The following VIT variants were observed in gnomAD, a reference collection of about 807,000 sequenced individuals.
VIT encodes the protein vitrin.
In VIT, 99 loss-of-function variants were observed where a neutral mutation model predicts 78.0. The ratio of observed to expected loss-of-function variants is 1.27; its 90% CI spans 1.08 to 1.50. The LOEUF (loss-of-function observed/expected upper bound fraction) is 1.50. Among genes scored for constraint, VIT ranks in the 40% most tolerant of loss-of-function variants. The probability of loss-of-function intolerance (pLI) is 0.00; values close to 1 mark genes in which losing one functional copy is unlikely to be tolerated. For synonymous variants in VIT, 374 were observed against 334.3 expected (o/e 1.12, Z -1.29); for missense variants, 1,126 against 875.3 (o/e 1.29, Z -3.61).
At chr2:36,805,308 G>A (rs1190021189) in intron 13 of VIT, 130 bp from the exon 14 acceptor site, 230 of 585,550 alleles carry the variant, frequency 3.9e-4, no homozygotes, top group African/African-American at 1.1e-3. Context: ...TGTCTCAAAG[G>A]AAAAAAAAAA....
intron 9 of VIT, among the ~76,000 whole-genome samples, chr2:36,778,104 G>T (rs1054866884): frequency 6.6e-6 from 1 of 152,156 alleles, no homozygotes; most frequent in Admixed American, 6.5e-5. Flanking sequence ...ATATGAAGGG[G>T]ATCTGTTATT....
intron 11 of VIT, among the ~76,000 whole-genome samples, chr2:36,786,590 G>T (rs1558571446): frequency 6.6e-6 from 1 of 152,212 alleles, no homozygotes; most frequent in African/African-American, 2.4e-5. Flanking sequence ...ATACATATAT[G>T]TAGATAATTT....
Position 36,768,447 on chromosome 2 carries a change from A to G in VIT, c.679+1162A>G, listed in dbSNP as rs565247579. On this transcript the variant is annotated intron_variant, in intron 7 of 15. Transcript: ENST00000379242. ...ACTCCGTTTCAATAAATAAATAAAT[A>G]AAAATGCAAATCAGCACTTTGAATA... Among the ~76,000 whole-genome samples the G allele has an allele frequency of 3.3e-5, 5 of 152,332 alleles. No individual in the cohort carries two copies. In the South Asian group the frequency reaches 1.0e-3, roughly 32 times the overall value.
At chr2:36,787,328 A>G in intron 12 of VIT, 52 bp downstream of exon 12, 1 of 1,575,506 alleles carries the variant, frequency 6.3e-7, no homozygotes, top group East Asian at 2.3e-5. Context: ...CCATGTGCTT[A>G]ATTTTATGCC....
In VIT at chr2:36,781,643, C is replaced by G. The variant is rs950517296; in HGVS notation, c.803-84C>G. 18 of 1,507,546 alleles carry G rather than the reference C, an allele frequency of 1.2e-5. No homozygotes were observed. In the African/African-American group the frequency reaches 2.1e-4, roughly 17 times the overall value. The allele number at this position is 1,507,546 out of a possible 1,614,324, so 93.4% of individuals were successfully genotyped here. A position where few individuals can be genotyped will look rare whatever the true frequency, so the allele number is the denominator to read the frequency against. On this transcript the variant is annotated intron_variant, in intron 9 of 15. Transcript: ENST00000379242. Reference sequence around the variant, plus strand: ...GAACTTTCAGACACAATTGGGAAACCTTATCATCCCGGCAATTCACTCAAG... The same window carrying G: ...GAACTTTCAGACACAATTGGGAAACGTTATCATCCCGGCAATTCACTCAAG...
intron 10 of VIT, 62 bp from the exon 11 acceptor site, chr2:36,783,278 T>A (rs376403603): frequency 6.2e-5 from 98 of 1,572,334 alleles, no homozygotes; most frequent in Non-Finnish European, 2.9e-5. Flanking sequence ...TCCCCTCCCA[T>A]GGGGTAAGGC....
intron 4 of VIT, among the ~76,000 whole-genome samples, chr2:36,750,783 T>C (rs1217286857): frequency 6.6e-6 from 1 of 151,174 alleles, no homozygotes; most frequent in Non-Finnish European, 1.5e-5. Flanking sequence ...ATCATACTAT[T>C]GCACTCCAGC....
At chr2:36,731,464 G>T (rs1422596440) in intron 3 of VIT, among the ~76,000 whole-genome samples, 1 of 151,786 alleles carries the variant, frequency 6.6e-6, no homozygotes, top group African/African-American at 2.4e-5. Flanking sequence ...TAGTAGAAAC[G>T]GGGTTTCACC....
At chr2:36,748,208 C>T (rs1200764881) in intron 4 of VIT, among the ~76,000 whole-genome samples, 1 of 152,150 alleles carries the variant, frequency 6.6e-6, no homozygotes, top group African/African-American at 2.4e-5. Flanking sequence ...TCAGAATGGT[C>T]ATCTTGCATA....
chr2:36,777,399 G>A (rs1670140168), intron 9 of VIT, among the ~76,000 whole-genome samples: 2 of 151,816 alleles, frequency 1.3e-5, no homozygotes, highest in South Asian at 4.2e-4. Context: ...CCTCCAATAG[G>A]TCTTTGCTGG....
intron 11 of VIT, 67 bp downstream of exon 11, chr2:36,783,469 C>A: frequency 6.9e-7 from 1 of 1,456,920 alleles, no homozygotes; most frequent in Non-Finnish European, 9.5e-7. Context: ...CCTCTCTTCC[C>A]ACTCACTCCC....
chr2:36,703,909 GTTTTTTTTTGTTTGT>G (rs557932990), intron 1 of VIT, among the ~76,000 whole-genome samples: 1 of 116,492 alleles, frequency 8.6e-6, no homozygotes, highest in Non-Finnish European at 1.9e-5. Context: ...TTTGTTTGGG[GTTTTTTTTTGTTTGT>G]TTTTTGTTTT....
chr2:36,782,194 A>G lies in VIT; in HGVS notation c.847+423A>G, dbSNP rs1016043600. On this transcript the variant is annotated intron_variant, in intron 10 of 15. Coordinates refer to ENST00000379242, the MANE Select transcript of VIT (RefSeq NM_053276.4). ...TTAAATATTTGAAACTCCAACACAC[A>G]AGACCTTCCAGCTCTTCATGGGAGG... Among the ~76,000 whole-genome samples, 8 of 152,288 alleles carry G rather than the reference A, an allele frequency of 5.3e-5. No individual in the cohort carries two copies. The East Asian group carries it at 9.7e-4, about 18-fold the overall frequency.
At chr2:36,807,645 G>A (rs1666827129) in intron 14 of VIT, among the ~76,000 whole-genome samples, 1 of 152,194 alleles carries the variant, frequency 6.6e-6, no homozygotes. Flanking sequence ...CAGAGGCAGG[G>A]GTAAGGAAGA....
chr2:36,741,798 C>A (rs915666628), intron 3 of VIT, among the ~76,000 whole-genome samples: 3 of 152,140 alleles, frequency 2.0e-5, no homozygotes, highest in Non-Finnish European at 4.4e-5. Context: ...ACCAACACCC[C>A]ACTCACTGCT....
rs553497737 is a variant in VIT, at chr2:36,745,993, C to T, written c.275+2737C>T. On this transcript the variant is annotated intron_variant, in intron 4 of 15. Transcript: ENST00000379242. Reference sequence around the variant, plus strand: ...AGGTTATGTTCCTATAATATCTAGTCAGTTGAGAGTTTTTATCATGAAAGG... The same window carrying T: ...AGGTTATGTTCCTATAATATCTAGTTAGTTGAGAGTTTTTATCATGAAAGG... 5.1e-4 allele frequency among the ~76,000 whole-genome samples: 78 copies of T among 152,006 alleles called. 1 individual carries two copies. The highest frequency in any genetic ancestry group is 1.5e-3 in the African/African-American group (61 of 41,508).
chr2:36,757,942 C>T lies in VIT; in HGVS notation c.410-1027C>T, dbSNP rs1383204851. 1.3e-5 allele frequency among the ~76,000 whole-genome samples: 2 copies of T among 152,144 alleles called. 1 individual carries two copies. Among genetic ancestry groups the T allele is most frequent in the Admixed American group, 1.3e-4 (2 of 15,268 alleles). ...TCTTACCTAGACCCTGCTATTCTTT[C>T]TGCTTCATGACCCTACGATTCCTGT... is the stretch of plus-strand genomic sequence containing the variant. On this transcript the variant is annotated intron_variant, in intron 5 of 15. Coordinates refer to ENST00000379242, the MANE Select transcript of VIT (RefSeq NM_053276.4).
chr2:36,727,636 A>ACAAACTAGACATCT (rs1666934787), intron 2 of VIT, among the ~76,000 whole-genome samples: 1 of 152,256 alleles, frequency 6.6e-6, no homozygotes. Flanking sequence ...AGAAAAGTAT[A>ACAAACTAGACATCT]CAAACTAGAC....
At chr2:36,807,255 C>G (rs1231701808) in intron 14 of VIT, among the ~76,000 whole-genome samples, 1 of 152,174 alleles carries the variant, frequency 6.6e-6, no homozygotes. Flanking sequence ...GCTCCAAATC[C>G]TTCATTGCTA....
Sources: gnomAD v4.1 joint callset for allele counts (sites outside exome capture counted in the v4.1 genomes callset) on GRCh38, gnomAD v4.1.1 for gene constraint, MANE v1.5 for transcripts, NCBI Gene and HGNC (gene_info 2026-07-23, HGNC 2026-07-21) for gene names.